Variants in MAGI2 observed in about 807,000 individuals in gnomAD.
MAGI2 encodes membrane-associated guanylate kinase, WW and PDZ domain-containing protein 2.
A neutral mutation model predicts 133.3 loss-of-function variants in MAGI2; 35 were observed. That is an observed-to-expected ratio of 0.26 (90% CI 0.20 to 0.35). The LOEUF (loss-of-function observed/expected upper bound fraction) is 0.35. MAGI2 is among the 10% of genes least tolerant of loss of function. The probability of loss-of-function intolerance (pLI) is 1.00; values close to 1 mark genes in which losing one functional copy is unlikely to be tolerated. For synonymous variants in MAGI2, 729 were observed against 710.6 expected (o/e 1.03, Z -0.41); for missense variants, 1,636 against 1,863.4 (o/e 0.88, Z 2.25).
intron 1 of MAGI2, among the ~76,000 whole-genome samples, chr7:79,011,548 T>G (rs1387490820): frequency 6.6e-6 from 1 of 152,090 alleles, no homozygotes; most frequent in African/African-American, 2.4e-5. Context: ...GTCAACTGCT[T>G]CTGGAATGAA....
chr7:79,237,771 T>C (rs1832053920), intron 1 of MAGI2, among the ~76,000 whole-genome samples: 1 of 152,222 alleles, frequency 6.6e-6, no homozygotes, highest in South Asian at 2.1e-4. Context: ...CATCCTTGCA[T>C]ATGCCACAAT....
chr7:78,151,349 A>G (rs1285203457), intron 16 of MAGI2, among the ~76,000 whole-genome samples: 1 of 152,058 alleles, frequency 6.6e-6, no homozygotes, highest in Non-Finnish European at 1.5e-5. Context: ...ACTTTTTTCT[A>G]AGGAGTCTGG....
At chr7:78,642,683 A>G (rs1379163364) in intron 2 of MAGI2, among the ~76,000 whole-genome samples, 2 of 152,220 alleles carry the variant, frequency 1.3e-5, no homozygotes, top group Non-Finnish European at 2.9e-5. Context: ...AAGCACTAAT[A>G]CTTATTGAGC....
chr7:78,317,392 G>A (rs1787528547), intron 9 of MAGI2, among the ~76,000 whole-genome samples: 1 of 152,276 alleles, frequency 6.6e-6, no homozygotes, highest in Non-Finnish European at 1.5e-5. Flanking sequence ...ATTAGCCATT[G>A]GCCTCCACCT....
intron 10 of MAGI2, among the ~76,000 whole-genome samples, chr7:78,214,538 A>G (rs1788080229): frequency 6.6e-6 from 1 of 152,226 alleles, no homozygotes. Context: ...ATTTCTTAGC[A>G]TAATCTATTA....
intron 2 of MAGI2, among the ~76,000 whole-genome samples, chr7:78,908,269 A>C (rs1371489030): frequency 6.6e-6 from 1 of 152,210 alleles, no homozygotes; most frequent in Non-Finnish European, 1.5e-5. Context: ...TGTTGTCATT[A>C]TATTTGTTTT....
chr7:78,924,599 GTATT>G (rs1401098577), intron 2 of MAGI2, among the ~76,000 whole-genome samples: 1 of 152,018 alleles, frequency 6.6e-6, no homozygotes, highest in Non-Finnish European at 1.5e-5. Context: ...CAGTTTGTCA[GTATT>G]TTATTGGGGA....
chr7:78,632,202 G>A (rs759944394), intron 2 of MAGI2, among the ~76,000 whole-genome samples: 1 of 152,074 alleles, frequency 6.6e-6, no homozygotes, highest in Non-Finnish European at 1.5e-5. Flanking sequence ...TGCCTTCATG[G>A]AACTAATATT....
At chr7:79,130,685 A>C (rs1820854810) in intron 1 of MAGI2, among the ~76,000 whole-genome samples, 1 of 152,206 alleles carries the variant, frequency 6.6e-6, no homozygotes, top group African/African-American at 2.4e-5. Context: ...TAATGAATAT[A>C]AAAATTTCAA....
chr7:78,453,029 T>A (rs1466398916), intron 6 of MAGI2, among the ~76,000 whole-genome samples: 1 of 152,164 alleles, frequency 6.6e-6, no homozygotes, highest in South Asian at 2.1e-4. Context: ...ATCATCATGT[T>A]CACTGTAAGT....
At chr7:78,120,795 A>T (rs916325805) in intron 20 of MAGI2, among the ~76,000 whole-genome samples, 4 of 151,298 alleles carry the variant, frequency 2.6e-5, no homozygotes, top group Admixed American at 6.6e-5. Context: ...AGGTCAGGAG[A>T]TCGAGACCAT....
At chr7:78,391,352 C>T (rs1795881952) in intron 6 of MAGI2, among the ~76,000 whole-genome samples, 1 of 147,368 alleles carries the variant, frequency 6.8e-6, no homozygotes, top group South Asian at 2.2e-4. Context: ...CATGAGGACA[C>T]TTAGAAGAGA....
intron 6 of MAGI2, among the ~76,000 whole-genome samples, chr7:78,372,163 T>C (rs1452929665): frequency 6.6e-6 from 1 of 152,114 alleles, no homozygotes; most frequent in African/African-American, 2.4e-5. Context: ...AAAACAAAGA[T>C]TTAACCTAGT....
chr7:78,642,863 G>T (rs371179109), intron 2 of MAGI2, among the ~76,000 whole-genome samples: 3 of 152,174 alleles, frequency 2.0e-5, no homozygotes, highest in Non-Finnish European at 4.4e-5. Context: ...TACAGGCCAG[G>T]CTTCTAAGCA....
chr7:78,102,954 A>G (rs1038162185), intron 20 of MAGI2, among the ~76,000 whole-genome samples: 4 of 152,164 alleles, frequency 2.6e-5, no homozygotes, highest in Non-Finnish European at 5.9e-5. Context: ...AGGATTATCT[A>G]TAATCTTTTC....
At chr7:78,482,878 TACACACACAC>T (rs3086358) in intron 6 of MAGI2, among the ~76,000 whole-genome samples, 1,877 of 89,908 alleles carry the variant, frequency 0.021, 36 homozygotes, top group African/African-American at 0.062. Flanking sequence ...CACATGGAAC[TACACACACAC>T]ACACACACAC....
intron 2 of MAGI2, among the ~76,000 whole-genome samples, chr7:78,868,753 T>A (rs111370871): frequency 3.7e-5 from 1 of 26,754 alleles, no homozygotes; most frequent in Non-Finnish European, 1.3e-4. Flanking sequence ...AAAAAGGAAG[T>A]AATACATACT....
chr7:79,069,988 G>A (rs1328463404), intron 1 of MAGI2, among the ~76,000 whole-genome samples: 1 of 152,148 alleles, frequency 6.6e-6, no homozygotes, highest in Non-Finnish European at 1.5e-5. Flanking sequence ...TTAGTCTGAT[G>A]GGCTTCTATT....
intron 16 of MAGI2, among the ~76,000 whole-genome samples, chr7:78,141,056 T>C (rs1478722352): frequency 2.6e-5 from 4 of 152,120 alleles, no homozygotes; most frequent in Non-Finnish European, 2.9e-5. Context: ...TGCCCCTTGG[T>C]AAGTGGCAGC....
Sources: gnomAD v4.1 joint callset for allele counts (sites outside exome capture counted in the v4.1 genomes callset) on GRCh38, gnomAD v4.1.1 for gene constraint, MANE v1.5 for transcripts, NCBI Gene and HGNC (gene_info 2026-07-23, HGNC 2026-07-21) for gene names.